Variants in TBL1X observed in about 807,000 individuals in gnomAD.
The protein encoded by TBL1X is transducin beta like 1 X-linked, also known as F-box-like/WD repeat-containing protein TBL1X.
TBL1X carries 10 observed loss-of-function variants against 50.7 expected under a neutral mutation model. That is an observed-to-expected ratio of 0.20 (90% CI 0.12 to 0.33). The LOEUF (loss-of-function observed/expected upper bound fraction) is 0.33, where lower values mean the gene tolerates loss of function less well. Among genes scored for constraint, TBL1X ranks in the 10% least tolerant of loss-of-function variants. TBL1X has a pLI of 1.00. For missense variants in TBL1X, 340 were observed against 504.4 expected, an observed-to-expected ratio of 0.67 and a Z score of 3.12; for synonymous variants, 190 against 214.7, an observed-to-expected ratio of 0.88 and a Z score of 1.01.
chrX:9,481,197 C>T (rs1034646810), intron 1 of TBL1X, among the ~76,000 whole-genome samples: 14 of 111,898 alleles, frequency 1.3e-4, no homozygotes, highest in Non-Finnish European at 2.3e-4. Context: ...TTCCAAGGCT[C>T]CCATTAAGAG....
intron 2 of TBL1X, among the ~76,000 whole-genome samples, chrX:9,562,597 C>A (rs752735799): frequency 8.9e-6 from 1 of 111,860 alleles, no homozygotes; most frequent in Non-Finnish European, 1.9e-5. Flanking sequence ...TAATAAGATT[C>A]CATATTTTAT....
At chrX:9,511,127 C>A (rs752508382) in intron 2 of TBL1X, among the ~76,000 whole-genome samples, 39 of 112,039 alleles carry the variant, frequency 3.5e-4, no homozygotes, top group African/African-American at 1.2e-3. Flanking sequence ...AGAAAAAAGG[C>A]CAAGCATTGG....
chrX:9,653,942 T>G (rs1427456704), intron 4 of TBL1X, among the ~76,000 whole-genome samples: 1 of 112,073 alleles, frequency 8.9e-6, no homozygotes, highest in African/African-American at 3.2e-5. Context: ...CCCCTGCTTC[T>G]GGCTTCATTC....
intron 2 of TBL1X, among the ~76,000 whole-genome samples, chrX:9,554,883 C>T (rs2082287949): frequency 9.0e-6 from 1 of 111,506 alleles, no homozygotes; most frequent in African/African-American, 3.3e-5. Context: ...GGAAGCGTCC[C>T]TGTAACCATT....
chrX:9,587,604 A>G (rs1201120611), intron 2 of TBL1X, among the ~76,000 whole-genome samples: 1 of 111,631 alleles, frequency 9.0e-6, no homozygotes, highest in Non-Finnish European at 1.9e-5. Context: ...CACCACAGAC[A>G]TCAAGATAAA....
chrX:9,491,947 G>T (rs1255248524), intron 1 of TBL1X, among the ~76,000 whole-genome samples: 2 of 112,105 alleles, frequency 1.8e-5, no homozygotes, highest in Non-Finnish European at 3.8e-5. Flanking sequence ...CAGCAAGCAT[G>T]GACAGATTTC....
intron 2 of TBL1X, among the ~76,000 whole-genome samples, chrX:9,623,852 C>A (rs1430128968): frequency 8.9e-6 from 1 of 112,220 alleles, no homozygotes; most frequent in Non-Finnish European, 1.9e-5. Context: ...CCATCCTACA[C>A]ATTATTTGTC....
At chrX:9,703,454 C>T (rs1352183281) in intron 12 of TBL1X, among the ~76,000 whole-genome samples, 2 of 111,677 alleles carry the variant, frequency 1.8e-5, no homozygotes, top group Non-Finnish European at 3.8e-5. Flanking sequence ...GTGTGGCCCC[C>T]GCAGTGGAAA....
At position 9,705,064 on chromosome X, in the gene TBL1X, G is replaced by A. The variant is rs771693517; in HGVS notation, c.1186G>A (p.Val396Met). 2 of 1,212,219 alleles carry A rather than the reference G, an allele frequency of 1.6e-6. No homozygotes were observed. Among genetic ancestry groups the A allele is most frequent in the East Asian group, 3.0e-5 (1 of 33,856 alleles). The change falls in exon 13 of 18, where the codon GTG becomes ATG. Residue 396 changes from valine to methionine, a missense_variant. By Grantham distance (21) the Val-to-Met change is conservative. Transcript: ENST00000645353. ...CTGTAGCACAGACATGTGTATCCATGTGTGCAGGCTCGGCTGTGACCGCCC... is the reference window on the plus strand; with the variant it reads ...CTGTAGCACAGACATGTGTATCCATATGTGCAGGCTCGGCTGTGACCGCCC... ...ASCSTDMCIH[V>M]CRLGCDRPVK...
intron 2 of TBL1X, among the ~76,000 whole-genome samples, chrX:9,540,322 G>A (rs929665669): frequency 1.8e-5 from 2 of 112,320 alleles, no homozygotes; most frequent in African/African-American, 6.5e-5. Context: ...TTATTGCAGC[G>A]GTTGTGGCCA....
At chrX:9,681,883 G>A (rs1191584218) in intron 5 of TBL1X, among the ~76,000 whole-genome samples, 1 of 112,609 alleles carries the variant, frequency 8.9e-6, no homozygotes, top group African/African-American at 3.2e-5. Context: ...AGGGGAAAGC[G>A]GCAGTGACAG....
intron 2 of TBL1X, among the ~76,000 whole-genome samples, chrX:9,548,397 G>T (rs1348192831): frequency 9.0e-6 from 1 of 111,473 alleles, no homozygotes; most frequent in Non-Finnish European, 1.9e-5. Flanking sequence ...TTTTTTGTGT[G>T]TTTCTTTTTG....
chrX:9,491,566 A>C (rs1164191731), intron 1 of TBL1X, among the ~76,000 whole-genome samples: 1 of 108,822 alleles, frequency 9.2e-6, no homozygotes, highest in Non-Finnish European at 1.9e-5. Context: ...TACTCTGCAC[A>C]GTACTCAGCA....
intron 12 of TBL1X, among the ~76,000 whole-genome samples, chrX:9,700,889 A>G (rs186889450): frequency 8.4e-4 from 94 of 111,862 alleles, no homozygotes; most frequent in African/African-American, 2.9e-3. Context: ...CCGAGTGACA[A>G]AAGCCAGTCT....
intron 1 of TBL1X, among the ~76,000 whole-genome samples, chrX:9,484,212 C>A (rs147773042): frequency 0.012 from 1,379 of 110,956 alleles, 29 homozygotes; most frequent in African/African-American, 0.043. Context: ...CTATGTTGCC[C>A]AGGCTGGTCT....
At chrX:9,649,073 C>CT (rs1408495555) in intron 3 of TBL1X, among the ~76,000 whole-genome samples, 1 of 111,656 alleles carries the variant, frequency 9.0e-6, no homozygotes, top group East Asian at 2.8e-4. Context: ...GGACACCCAG[C>CT]TGATGGATGG....
intron 1 of TBL1X, among the ~76,000 whole-genome samples, chrX:9,473,663 C>A (rs1031535956): frequency 8.9e-6 from 1 of 112,121 alleles, no homozygotes; most frequent in African/African-American, 3.2e-5. Context: ...TGGGACAGTT[C>A]TGTCCCCCAC....
At chrX:9,550,493 C>A (rs1331951797) in intron 2 of TBL1X, among the ~76,000 whole-genome samples, 1 of 111,637 alleles carries the variant, frequency 9.0e-6, no homozygotes, top group Non-Finnish European at 1.9e-5. Context: ...GTAAAGCTCC[C>A]GAAAGAAAGC....
chrX:9,517,540 C>G (rs778022771), intron 2 of TBL1X, among the ~76,000 whole-genome samples: 1 of 112,181 alleles, frequency 8.9e-6, no homozygotes, highest in East Asian at 2.8e-4. Context: ...CGTTTTATAA[C>G]TTGGGAAACT....
Sources: gnomAD v4.1 joint callset for allele counts (sites outside exome capture counted in the v4.1 genomes callset) on GRCh38, gnomAD v4.1.1 for gene constraint, MANE v1.5 for transcripts, NCBI Gene and HGNC (gene_info 2026-07-23, HGNC 2026-07-21) for gene names.